The following ABCG2 variants were observed in gnomAD, a reference collection of about 807,000 sequenced individuals.
ABCG2 encodes the protein broad substrate specificity ATP-binding cassette transporter ABCG2.
Under a neutral mutation model 73.5 loss-of-function variants are expected in ABCG2, and 80 were observed. The ratio of observed to expected loss-of-function variants is 1.09; its 90% confidence interval spans 0.91 to 1.31. ABCG2 has a LOEUF of 1.31. Among genes scored for constraint, ABCG2 ranks in the 50% most tolerant of loss-of-function variants. ABCG2 has a pLI of 0.00. For missense variants in ABCG2, 796 were observed against 786.2 expected, an observed-to-expected ratio of 1.01 and a Z score of -0.15; for synonymous variants, 269 against 282.4, an observed-to-expected ratio of 0.95 and a Z score of 0.48.
chr4:88,215,095 A>C (rs1202220302), intron 1 of ABCG2, among the ~76,000 whole-genome samples: 1 of 152,126 alleles, frequency 6.6e-6, no homozygotes, highest in Non-Finnish European at 1.5e-5. Context: ...GTCTTAAAAA[A>C]ATTTTGGAAA....
At chr4:88,226,956 T>G (rs1329734309) in intron 1 of ABCG2, 1 of 151,918 alleles carries the variant, frequency 6.6e-6, no homozygotes, top group African/African-American at 2.4e-5. Flanking sequence ...CACAAAAAAT[T>G]TAAAAATTCG....
At chr4:88,217,431 T>C (rs866626331) in intron 1 of ABCG2, among the ~76,000 whole-genome samples, 5 of 152,020 alleles carry the variant, frequency 3.3e-5, no homozygotes, top group Middle Eastern at 3.4e-3. Flanking sequence ...GAGGCCGAGG[T>C]GAGCAGATCA....
chr4:88,114,236 T>C (rs375311871), intron 8 of ABCG2, among the ~76,000 whole-genome samples: 1 of 152,202 alleles, frequency 6.6e-6, no homozygotes, highest in East Asian at 1.9e-4. Context: ...TCTATTGCCA[T>C]AGTCTTATGA....
chr4:88,226,476 A>G (rs1560468304), intron 1 of ABCG2, among the ~76,000 whole-genome samples: 1 of 152,224 alleles, frequency 6.6e-6, no homozygotes. Context: ...TGTAAAGTAT[A>G]ATTATTGAGC....
intron 6 of ABCG2, among the ~76,000 whole-genome samples, chr4:88,118,480 A>G (rs891775035): frequency 6.6e-6 from 1 of 152,254 alleles, no homozygotes; most frequent in Admixed American, 6.5e-5. Context: ...TTGACAATCT[A>G]GAATCAACTA....
intron 1 of ABCG2, among the ~76,000 whole-genome samples, chr4:88,175,195 C>T (rs1020439071): frequency 6.6e-5 from 10 of 152,198 alleles, no homozygotes; most frequent in South Asian, 4.1e-4. Context: ...TTAATAGTTT[C>T]GTTAACCACA....
chr4:88,097,781 T>G (rs1261558650), intron 12 of ABCG2, among the ~76,000 whole-genome samples, 174 bp from the exon 13 acceptor site: 1 of 152,258 alleles, frequency 6.6e-6, no homozygotes, highest in Admixed American at 6.5e-5. Flanking sequence ...TCCATGTAAC[T>G]GCATAAAGTT....
In ABCG2 at chr4:88,097,513, T is replaced by A. The variant is rs751602369; in HGVS notation, c.1587A>T (p.Ala529=). The change falls in exon 13 of 16, where the codon GCA becomes GCT. Residue 529 remains alanine, a synonymous_variant. Coordinates refer to ENST00000237612, the MANE Select transcript of ABCG2 (RefSeq NM_004827.3). ...TTGCTACAGAAACCACACTCTGACC[T>A]GCTGCTATGGCCAGTGCCATGGAAC... ...SASSMALAIA[A]GQSVVSVATL... The A allele has an allele frequency of 1.1e-5, 17 of 1,614,078 alleles. No homozygotes were observed. The South Asian group carries it at 1.6e-4, about 16-fold the overall frequency.
chr4:88,213,592 A>G (rs1246726244), intron 1 of ABCG2, among the ~76,000 whole-genome samples: 1 of 151,742 alleles, frequency 6.6e-6, no homozygotes, highest in Non-Finnish European at 1.5e-5. Context: ...TCTCTTCTAT[A>G]TCATTGTATA....
intron 1 of ABCG2, among the ~76,000 whole-genome samples, chr4:88,172,684 C>T (rs547919471): frequency 8.5e-5 from 13 of 152,056 alleles, no homozygotes; most frequent in Non-Finnish European, 1.5e-4. Context: ...TCCCAAACCA[C>T]TTAAGATCTG....
chr4:88,101,009 C>T (rs558322227), intron 11 of ABCG2, among the ~76,000 whole-genome samples: 1 of 152,326 alleles, frequency 6.6e-6, no homozygotes, highest in South Asian at 2.1e-4. Context: ...CCTCTGGCTG[C>T]TTTTTCTCAA....
chr4:88,141,758 A>T (rs45488894), intron 1 of ABCG2, among the ~76,000 whole-genome samples: 1,660 of 152,330 alleles, frequency 0.011, 24 homozygotes, highest in African/African-American at 0.037. Context: ...AAAAATTTTT[A>T]AAATTGCCAG....
chr4:88,158,875 C>G, upstream of ABCG2: 1 of 335,042 alleles, frequency 3.0e-6, no homozygotes, highest in Non-Finnish European at 5.7e-6. Context: ...CTTCCTAAGC[C>G]GCGCTTCGGG....
intron 1 of ABCG2, among the ~76,000 whole-genome samples, chr4:88,168,276 TAGG>T (rs1727621590): frequency 6.6e-6 from 1 of 151,994 alleles, no homozygotes; most frequent in Non-Finnish European, 1.5e-5. Flanking sequence ...ATCATGAGGT[TAGG>T]AGATTGAGAC....
At chr4:88,148,532 G>A (rs143328748) in intron 1 of ABCG2, among the ~76,000 whole-genome samples, 55 of 152,106 alleles carry the variant, frequency 3.6e-4, no homozygotes, top group Middle Eastern at 3.4e-3. Flanking sequence ...TGACTGCAAG[G>A]TCCCAGCTCT....
intron 1 of ABCG2, among the ~76,000 whole-genome samples, chr4:88,194,423 G>T (rs1024151784): frequency 1.3e-5 from 2 of 151,788 alleles, no homozygotes; most frequent in African/African-American, 2.4e-5. Flanking sequence ...GGTGGCAGGC[G>T]CCTGTAGTCC....
At chr4:88,167,227 C>A (rs1289187208) in intron 1 of ABCG2, among the ~76,000 whole-genome samples, 4 of 151,996 alleles carry the variant, frequency 2.6e-5, no homozygotes, top group Non-Finnish European at 5.9e-5. Context: ...GGTTCCAAGA[C>A]TGAGTTTCCT....
intron 1 of ABCG2, among the ~76,000 whole-genome samples, chr4:88,142,422 T>C (rs768747106): frequency 4.6e-5 from 7 of 152,130 alleles, no homozygotes; most frequent in Non-Finnish European, 7.3e-5. Flanking sequence ...AGAAACATAA[T>C]CATATTTACA....
intron 1 of ABCG2, among the ~76,000 whole-genome samples, chr4:88,219,373 G>A (rs1297174391): frequency 6.6e-6 from 1 of 152,056 alleles, no homozygotes; most frequent in Non-Finnish European, 1.5e-5. Flanking sequence ...ATGATAGCAC[G>A]TATAAAAAAG....
Sources: allele counts gnomAD v4.1 joint callset (sites outside exome capture counted in the v4.1 genomes callset), GRCh38; gene constraint gnomAD v4.1.1; transcripts MANE v1.5; gene names NCBI Gene and HGNC (gene_info 2026-07-23, HGNC 2026-07-21).